The following PSAT1 variants were observed in gnomAD, a reference collection of about 807,000 sequenced individuals.
PSAT1 encodes phosphoserine aminotransferase 1, also known as phosphoserine aminotransferase.
In PSAT1, 41 loss-of-function variants were observed where a neutral mutation model predicts 40.3. The ratio of observed to expected loss-of-function variants is 1.02; its 90% CI spans 0.79 to 1.32. PSAT1 has a LOEUF of 1.32. Among genes scored for constraint, PSAT1 ranks in the 40% most tolerant of loss-of-function variants. The probability of loss-of-function intolerance (pLI) is 0.00; values close to 1 mark genes in which losing one functional copy is unlikely to be tolerated. For synonymous variants in PSAT1, 147 were observed against 170.5 expected (o/e 0.86, Z 1.07); for missense variants, 406 against 455.8 (o/e 0.89, Z 0.99).
intron 6 of PSAT1, among the ~76,000 whole-genome samples, chr9:78,313,653 A>C (rs1828298697): frequency 6.6e-6 from 1 of 151,972 alleles, no homozygotes; most frequent in Non-Finnish European, 1.5e-5. Context: ...TTTAAATTTT[A>C]TTTTTGTTAG....
Position 78,329,563 on chromosome 9 carries a change from G to C in PSAT1, c.*477G>C, listed in dbSNP as rs1425680906. The C allele has an allele frequency of 1.1e-5, 2 of 180,446 alleles. No individual in the cohort carries two copies. The highest frequency in any genetic ancestry group is 2.4e-5 in the Non-Finnish European group (2 of 84,780). The allele number at this position is 180,446 out of a possible 1,614,324, so 11.2% of individuals were successfully genotyped here. A position where few individuals can be genotyped will look rare whatever the true frequency, so the allele number is the denominator to read the frequency against. On this transcript the variant is annotated 3_prime_UTR_variant, in exon 9 of 9. Transcript: ENST00000376588. The stretch of plus-strand genomic sequence containing the variant: ...TTGGAGGAGTGGTTTAAGAGTGCCA[G>C]GCGAAGGGCAAACTGTAGATCGATC...
At chr9:78,316,575 C>T (rs991467784) in intron 6 of PSAT1, among the ~76,000 whole-genome samples, 9 of 152,160 alleles carry the variant, frequency 5.9e-5, no homozygotes, top group Admixed American at 2.0e-4. Context: ...GGTCCTATGC[C>T]GAACTCTGAG....
intron 6 of PSAT1, among the ~76,000 whole-genome samples, chr9:78,314,744 T>C (rs927047564): frequency 3.9e-5 from 6 of 152,076 alleles, no homozygotes; most frequent in African/African-American, 1.4e-4. Flanking sequence ...AGCAGTCAGC[T>C]AGGGGTTCAG....
At chr9:78,322,489 T>G (rs576399224) in intron 7 of PSAT1, among the ~76,000 whole-genome samples, 1 of 152,000 alleles carries the variant, frequency 6.6e-6, no homozygotes, top group Non-Finnish European at 1.5e-5. Context: ...TGTCCAGGAG[T>G]GCAGAAGGCC....
chr9:78,312,796 C>T (rs1314676633), intron 6 of PSAT1, among the ~76,000 whole-genome samples: 1 of 152,166 alleles, frequency 6.6e-6, no homozygotes, highest in Non-Finnish European at 1.5e-5. Flanking sequence ...CTACCTTCTC[C>T]CAGTGGGATG....
Position 78,301,989 on chromosome 9 carries a change from AT to A in PSAT1, c.159del (p.Asn54ThrfsTer11). The stretch of plus-strand genomic sequence containing the variant: ...CAGGTCATCAGATTTTGCCAAGATT[AT>A]TAACAATACAGAGAATCTTGTGCGG... Reference protein sequence around the residue: ...SHRSSDFAKIINNTENLVREL... With the variant: ...SHRSSDFAKIXNNTENLVREL... On this transcript the variant is annotated frameshift_variant, in exon 3 of 9. Coordinates refer to ENST00000376588, the MANE Select transcript of PSAT1 (RefSeq NM_058179.4). LOFTEE classifies it high-confidence loss of function. The A allele has an allele frequency of 1.2e-6, 2 of 1,611,936 alleles. No homozygotes were observed. Among genetic ancestry groups the A allele is most frequent in the Non-Finnish European group, 1.7e-6 (2 of 1,178,082 alleles).
Position 78,304,784 on chromosome 9 carries a change from G to A in PSAT1, c.241G>A (p.Gly81Ser), listed in dbSNP as rs745532660. Residue 81 changes from glycine (G) to serine (S), a missense_variant, in exon 4 of 9, where the codon GGC (glycine) becomes AGC (serine). By Grantham distance (56) the Gly-to-Ser change is moderately conservative. Transcript: ENST00000376588. Reference protein sequence around the residue: ...KVIFLQGGGCGQFSAVPLNLI... With the variant: ...KVIFLQGGGCSQFSAVPLNLI... The stretch of plus-strand genomic sequence containing the variant: ...GATTTTTCTGCAAGGAGGTGGGTGC[G>A]GCCAGTTCAGTGCTGTCCCCTTAAA... 1.7e-5 allele frequency: 27 copies of A among 1,614,016 alleles called. No homozygotes were observed. In the Admixed American group the frequency reaches 2.3e-4, roughly 14 times the overall value.
At chr9:78,324,549 C>T (rs1828470843) in intron 7 of PSAT1, among the ~76,000 whole-genome samples, 1 of 152,152 alleles carries the variant, frequency 6.6e-6, no homozygotes, top group Non-Finnish European at 1.5e-5. Context: ...GGTGTTAACT[C>T]CAGGGATTGA....
chr9:78,322,324 T>TCC (rs1828439899), intron 7 of PSAT1, among the ~76,000 whole-genome samples: 1 of 151,966 alleles, frequency 6.6e-6, no homozygotes, highest in Admixed American at 6.6e-5. Context: ...CTTACACATG[T>TCC]GAATGCATTT....
At chr9:78,307,082 A>G (rs965724103) in intron 5 of PSAT1, among the ~76,000 whole-genome samples, 2 of 152,248 alleles carry the variant, frequency 1.3e-5, no homozygotes, top group African/African-American at 4.8e-5. Flanking sequence ...ATTTTTAAAT[A>G]TACTGGTCAG....
At chr9:78,310,888 G>T (rs372200143) in intron 6 of PSAT1, among the ~76,000 whole-genome samples, 2 of 152,078 alleles carry the variant, frequency 1.3e-5, no homozygotes, top group South Asian at 2.1e-4. Context: ...GATTACAGGC[G>T]TGAGCCACCG....
rs776757559 is a variant in PSAT1, at chr9:78,297,217, G to A, written c.7G>A (p.Ala3Thr). The A allele has an allele frequency of 6.9e-6, 11 of 1,601,192 alleles. No individual in the cohort carries two copies. In the South Asian group the frequency reaches 1.0e-4, roughly 15 times the overall value. Residue 3 changes from alanine (A) to threonine (T), a missense_variant, in exon 1 of 9, where the codon GCC (alanine) becomes ACC (threonine). Physicochemically the swap from Ala to Thr is moderately conservative, Grantham distance 58. Transcript: ENST00000376588. MD[A>T]PRQVVNFGPG... is the part of the protein sequence containing the mutation. ...CCGCCCTGGCCGCCGCACCATGGAC[G>A]CCCCCAGGCAGGTGGTCAACTTTGG... is the stretch of plus-strand genomic sequence containing the variant.
intron 5 of PSAT1, among the ~76,000 whole-genome samples, chr9:78,308,127 A>G (rs1828212087): frequency 6.6e-6 from 1 of 152,142 alleles, no homozygotes; most frequent in African/African-American, 2.4e-5. Flanking sequence ...GGGGGTAGAA[A>G]GGAGGTGTGC....
At position 78,300,606 on chromosome 9, in the gene PSAT1, T is replaced by G. The variant is rs771968396; in HGVS notation, c.65T>G (p.Leu22Trp). Residue 22 changes from leucine (L) to tryptophan (W), a missense_variant, in exon 2 of 9, where the codon TTG (leucine) becomes TGG (tryptophan). Leu to Trp is a moderately conservative substitution (Grantham distance 61, BLOSUM62 -2). Coordinates refer to ENST00000376588, the MANE Select transcript of PSAT1 (RefSeq NM_058179.4). ...TTTTCCTTTATTTTTTTCTAGGTGTTGTTAGAGATACAAAAGGAATTATTA... is the reference window on the plus strand; with the variant it reads ...TTTTCCTTTATTTTTTTCTAGGTGTGGTTAGAGATACAAAAGGAATTATTA... ...PGPAKLPHSV[L>W]LEIQKELLDY... 6.2e-7 allele frequency: 1 copy of G among 1,610,734 alleles called. No homozygotes were observed. Among genetic ancestry groups the G allele is most frequent in the Non-Finnish European group, 8.5e-7 (1 of 1,179,066 alleles).
At chr9:78,317,599 C>CAACA in intron 6 of PSAT1, 77 bp from the exon 7 acceptor site, 10 of 1,507,312 alleles carry the variant, frequency 6.6e-6, no homozygotes, top group Non-Finnish European at 9.2e-6. Flanking sequence ...AATGCACCTT[C>CAACA]AACAGCAGTT....
At chr9:78,303,594 C>T (rs536149716) in intron 3 of PSAT1, among the ~76,000 whole-genome samples, 3 of 152,184 alleles carry the variant, frequency 2.0e-5, no homozygotes, top group Non-Finnish European at 4.4e-5. Flanking sequence ...ATAATGTGAA[C>T]CTGGAACTCT....
chr9:78,311,119 C>T (rs1227416386), intron 6 of PSAT1, among the ~76,000 whole-genome samples: 1 of 152,140 alleles, frequency 6.6e-6, no homozygotes, highest in African/African-American at 2.4e-5. Context: ...CTGAGTCTTA[C>T]CTCCCACTCG....
intron 1 of PSAT1, chr9:78,298,173 C>CA: frequency 7.0e-6 from 3 of 425,782 alleles, no homozygotes; most frequent in Non-Finnish European, 9.4e-6. Context: ...CCTCCCCCGC[C>CA]AAACCCACCG....
At chr9:78,307,092 G>T (rs977500087) in intron 5 of PSAT1, among the ~76,000 whole-genome samples, 6 of 152,166 alleles carry the variant, frequency 3.9e-5, no homozygotes, top group Non-Finnish European at 8.8e-5. Context: ...ATACTGGTCA[G>T]TGGCATTGAG....
Sources: gnomAD v4.1 joint callset for allele counts (sites outside exome capture counted in the v4.1 genomes callset) on GRCh38, gnomAD v4.1.1 for gene constraint, MANE v1.5 for transcripts, NCBI Gene and HGNC (gene_info 2026-07-23, HGNC 2026-07-21) for gene names.